The following MAML3 variants were observed in gnomAD, a reference collection of about 807,000 sequenced individuals.
MAML3 encodes mastermind-like protein 3.
Under a neutral mutation model 101.9 loss-of-function variants are expected in MAML3, and 27 were observed. The observed-to-expected ratio is 0.27, with a 90% confidence interval of 0.20 to 0.37. The LOEUF (loss-of-function observed/expected upper bound fraction) is 0.37. MAML3 is among the 10% of genes least tolerant of loss of function. The probability of loss-of-function intolerance (pLI) is 1.00; values close to 1 mark genes in which losing one functional copy is unlikely to be tolerated. For missense variants in MAML3, 1,316 were observed against 1,444.9 expected (o/e 0.91, Z 1.45); for synonymous variants, 501 against 555.9 (o/e 0.90, Z 1.39).
chr4:139,732,108 A>T (rs1237415643), intron 2 of MAML3, among the ~76,000 whole-genome samples: 1 of 152,266 alleles, frequency 6.6e-6, no homozygotes, highest in East Asian at 1.9e-4. Context: ...CTAAATAGCA[A>T]GAAGCAAATG....
chr4:139,720,014 A>AC lies in MAML3; in HGVS notation c.2725dup (p.Val909GlyfsTer34), dbSNP rs1728165212. The stretch of plus-strand genomic sequence containing the variant: ...CTGACCAAAGCCACTCACCATTCCA[A>AC]CCCCCTGCCCAGAGGCAGGTTGCCT... On this transcript the variant is annotated frameshift_variant, in exon 5 of 5. Coordinates refer to ENST00000509479, the MANE Select transcript of MAML3 (RefSeq NM_018717.5). LOFTEE classifies it high-confidence loss of function. 2 of 1,613,660 alleles carry AC rather than the reference A, an allele frequency of 1.2e-6. No homozygotes were observed. Among genetic ancestry groups the AC allele is most frequent in the Non-Finnish European group, 1.7e-6 (2 of 1,179,852 alleles).
intron 1 of MAML3, among the ~76,000 whole-genome samples, chr4:140,009,629 AT>A (rs2110857027): frequency 6.6e-6 from 1 of 152,368 alleles, no homozygotes; most frequent in Non-Finnish European, 1.5e-5. Flanking sequence ...CAAGGAAACT[AT>A]TCTGAGCAAT....
intron 2 of MAML3, among the ~76,000 whole-genome samples, chr4:139,805,588 A>T (rs558662284): frequency 1.3e-5 from 2 of 152,318 alleles, no homozygotes; most frequent in South Asian, 4.1e-4. Context: ...GAGAATCTTT[A>T]AAAAAGACTT....
At position 139,921,749 on chromosome 4, in the gene MAML3, G is replaced by A. The variant is rs542224979; in HGVS notation, c.469-30782C>T. ...TCCCACTGCAGCACCTGGGTTGCCC[G>A]CTCACCTTAAGCTGCCAGCACTACA... is the stretch of plus-strand genomic sequence containing the variant. On this transcript the variant is annotated intron_variant, in intron 1 of 4. Transcript: ENST00000509479. 5.3e-5 allele frequency among the ~76,000 whole-genome samples: 8 copies of A among 152,172 alleles called. No individual in the cohort carries two copies. The East Asian group carries it at 1.2e-3, about 22-fold the overall frequency.
intron 2 of MAML3, among the ~76,000 whole-genome samples, chr4:139,827,114 T>C (rs902175627): frequency 2.0e-5 from 3 of 152,116 alleles, no homozygotes; most frequent in African/African-American, 7.2e-5. Context: ...GTGGCTTCCC[T>C]GGCACAGTGA....
At chr4:139,728,424 C>T (rs150902181) in intron 3 of MAML3, among the ~76,000 whole-genome samples, 146 of 152,284 alleles carry the variant, frequency 9.6e-4, no homozygotes, top group Middle Eastern at 3.4e-3. Flanking sequence ...ATACAGCTTC[C>T]AAAACATTTT....
intron 1 of MAML3, among the ~76,000 whole-genome samples, chr4:140,028,672 A>G (rs954711030): frequency 1.4e-4 from 21 of 152,140 alleles, no homozygotes; most frequent in African/African-American, 4.6e-4. Flanking sequence ...GCAGTTCCAA[A>G]GCTCAGCCAT....
intron 1 of MAML3, among the ~76,000 whole-genome samples, chr4:140,095,319 C>T (rs887850145): frequency 3.3e-5 from 5 of 152,152 alleles, no homozygotes; most frequent in Non-Finnish European, 5.9e-5. Flanking sequence ...CACTGAGCCT[C>T]GTCTGGACCC....
intron 1 of MAML3, among the ~76,000 whole-genome samples, chr4:140,041,076 T>C (rs570968114): frequency 2.0e-5 from 3 of 152,152 alleles, no homozygotes; most frequent in Non-Finnish European, 4.4e-5. Flanking sequence ...TTCCCAACAT[T>C]TAAAATAAGA....
chr4:140,054,015 A>G (rs1727311784), intron 1 of MAML3, among the ~76,000 whole-genome samples: 1 of 152,184 alleles, frequency 6.6e-6, no homozygotes, highest in Admixed American at 6.5e-5. Flanking sequence ...TTTTCTCTTC[A>G]CTTTTAAATT....
intron 1 of MAML3, among the ~76,000 whole-genome samples, chr4:139,941,490 C>G (rs566530137): frequency 6.6e-6 from 1 of 151,892 alleles, no homozygotes; most frequent in Non-Finnish European, 1.5e-5. Context: ...AATTCTGGTA[C>G]GCAAAACTAG....
intron 1 of MAML3, among the ~76,000 whole-genome samples, chr4:140,097,263 G>T (rs1728179517): frequency 6.6e-6 from 1 of 152,124 alleles, no homozygotes. Context: ...TTCCACTTGG[G>T]AAATGATAAT....
chr4:139,717,434 C>T lies in MAML3; in HGVS notation c.*1889G>A, dbSNP rs1728024343. ...CTCAGTTTCCCCAGTGGCATCACTC[C>T]CCATTTGGGGAGTTCAGGGTCACCC... On this transcript the variant is annotated 3_prime_UTR_variant, in exon 5 of 5. Transcript: ENST00000509479. 1.3e-5 allele frequency: 2 copies of T among 152,222 alleles called. No homozygotes were observed. Among genetic ancestry groups the T allele is most frequent in the Non-Finnish European group, 2.9e-5 (2 of 68,048 alleles). The allele number at this position is 152,222 out of a possible 1,614,324, so 9.4% of individuals were successfully genotyped here. A position where few individuals can be genotyped will look rare whatever the true frequency, so the allele number is the denominator to read the frequency against.
At chr4:139,797,188 T>A (rs1007034202) in intron 2 of MAML3, among the ~76,000 whole-genome samples, 6 of 152,228 alleles carry the variant, frequency 3.9e-5, no homozygotes. Flanking sequence ...TAAGTTGGCA[T>A]TATTTTAAAG....
At chr4:139,811,199 C>G (rs1227315898) in intron 2 of MAML3, among the ~76,000 whole-genome samples, 1 of 152,170 alleles carries the variant, frequency 6.6e-6, no homozygotes, top group African/African-American at 2.4e-5. Flanking sequence ...TAGAGTGCTT[C>G]TAACATATAA....
intron 1 of MAML3, among the ~76,000 whole-genome samples, chr4:139,904,163 A>G (rs1211298802): frequency 6.6e-6 from 1 of 152,110 alleles, no homozygotes; most frequent in Non-Finnish European, 1.5e-5. Flanking sequence ...CCATCCCATC[A>G]CCTTGACTTT....
At chr4:139,928,144 T>C (rs915097043) in intron 1 of MAML3, among the ~76,000 whole-genome samples, 1 of 152,166 alleles carries the variant, frequency 6.6e-6, no homozygotes, top group Non-Finnish European at 1.5e-5. Context: ...CATCACAGGG[T>C]TCATGCTGGC....
At chr4:139,780,065 A>C (rs141566312) in intron 2 of MAML3, among the ~76,000 whole-genome samples, 1 of 152,242 alleles carries the variant, frequency 6.6e-6, no homozygotes, top group Non-Finnish European at 1.5e-5. Flanking sequence ...ACCTAGAGCC[A>C]TGCTGTCCGA....
intron 1 of MAML3, among the ~76,000 whole-genome samples, chr4:140,023,338 T>C (rs1726767201): frequency 6.6e-6 from 1 of 152,204 alleles, no homozygotes; most frequent in Non-Finnish European, 1.5e-5. Flanking sequence ...ACCCATGTGC[T>C]TCCATGGCCA....
Sources: gnomAD v4.1 joint callset for allele counts (sites outside exome capture counted in the v4.1 genomes callset) on GRCh38, gnomAD v4.1.1 for gene constraint, MANE v1.5 for transcripts, NCBI Gene and HGNC (gene_info 2026-07-23, HGNC 2026-07-21) for gene names.